TXNDC16: variants seen among roughly 807,000 people sequenced by gnomAD.
The protein encoded by TXNDC16 is thioredoxin domain containing 16, also known as thioredoxin domain-containing protein 16.
Under a neutral mutation model 85.6 loss-of-function variants are expected in TXNDC16, and 74 were observed. The observed-to-expected ratio is 0.86, with a 90% CI of 0.72 to 1.05. The LOEUF (loss-of-function observed/expected upper bound fraction) is 1.05, where lower values mean the gene tolerates loss of function less well. TXNDC16 is among the 50% of genes least tolerant of loss of function. TXNDC16 has a pLI of 0.00. For synonymous variants in TXNDC16, 335 were observed against 326.5 expected (o/e 1.03, Z -0.28); for missense variants, 959 against 947.0 (o/e 1.01, Z -0.17).
chr14:52,529,765 T>A (rs2037445073), intron 6 of TXNDC16, among the ~76,000 whole-genome samples: 1 of 118,174 alleles, frequency 8.5e-6, no homozygotes, highest in Non-Finnish European at 1.6e-5. Context: ...ATAATACCTA[T>A]TATATATATA....
At chr14:52,509,704 C>T (rs1387656518) in intron 9 of TXNDC16, among the ~76,000 whole-genome samples, 2 of 151,544 alleles carry the variant, frequency 1.3e-5, no homozygotes, top group African/African-American at 2.4e-5. Context: ...AATGGCTGGG[C>T]GTGGTGGCTC....
At chr14:52,517,210 TATA>T (rs957461435) in intron 7 of TXNDC16, among the ~76,000 whole-genome samples, 34 of 152,098 alleles carry the variant, frequency 2.2e-4, no homozygotes, top group African/African-American at 7.2e-4. Flanking sequence ...GGTCAATCTT[TATA>T]ATAATTTCCC....
chr14:52,485,295 AAAAAG>A (rs1156610289), intron 12 of TXNDC16, among the ~76,000 whole-genome samples: 2 of 152,240 alleles, frequency 1.3e-5, no homozygotes, highest in Non-Finnish European at 2.9e-5. Context: ...AAGGATATAA[AAAAAG>A]AAAATATTTT....
rs1267791727 is a variant in TXNDC16, at chr14:52,479,085, C to T, written c.1312+3145G>A. Among the ~76,000 whole-genome samples, 3 of 152,074 alleles carry T rather than the reference C, an allele frequency of 2.0e-5. No homozygotes were observed. The East Asian group carries it at 5.8e-4, about 29-fold the overall frequency. On this transcript the variant is annotated intron_variant, in intron 14 of 20. Coordinates refer to ENST00000281741, the MANE Select transcript of TXNDC16 (RefSeq NM_020784.3). The stretch of plus-strand genomic sequence containing the variant: ...AATCACATGATCATCTCAATAGATG[C>T]AGAAAAAGCATTCGATAAAATCCAG...
intron 18 of TXNDC16, among the ~76,000 whole-genome samples, chr14:52,443,834 T>C (rs2035219588): frequency 6.6e-6 from 1 of 152,210 alleles, no homozygotes; most frequent in Non-Finnish European, 1.5e-5. Flanking sequence ...TACTCTTTCC[T>C]ATGTCTAGTC....
chr14:52,469,963 G>T, intron 16 of TXNDC16, 74 bp downstream of exon 16: 1 of 1,347,660 alleles, frequency 7.4e-7, no homozygotes, highest in Non-Finnish European at 9.9e-7. Context: ...AATTTAAAAA[G>T]ATATTCTTAA....
chr14:52,474,166 AT>A (rs1334679147), intron 14 of TXNDC16, among the ~76,000 whole-genome samples: 1 of 152,196 alleles, frequency 6.6e-6, no homozygotes, highest in East Asian at 1.9e-4. Flanking sequence ...TAGTCTCTTC[AT>A]TTGGTCATTA....
chr14:52,444,929 A>G (rs988308955), intron 18 of TXNDC16, among the ~76,000 whole-genome samples: 1 of 152,194 alleles, frequency 6.6e-6, no homozygotes, highest in African/African-American at 2.4e-5. Flanking sequence ...ACAACCATCA[A>G]GAGGAAATGG....
At chr14:52,475,891 A>G (rs912302270) in intron 14 of TXNDC16, among the ~76,000 whole-genome samples, 6 of 152,166 alleles carry the variant, frequency 3.9e-5, no homozygotes, top group African/African-American at 1.4e-4. Context: ...TAGTGCATTA[A>G]TCAACCAAAG....
intron 14 of TXNDC16, among the ~76,000 whole-genome samples, chr14:52,473,534 A>C (rs928210310): frequency 6.6e-6 from 1 of 152,204 alleles, no homozygotes; most frequent in Non-Finnish European, 1.5e-5. Flanking sequence ...CAGAAAAGTA[A>C]TACTGATATA....
chr14:52,469,914 T>C, intron 16 of TXNDC16, 123 bp downstream of exon 16: 2 of 974,076 alleles, frequency 2.1e-6, no homozygotes, highest in Non-Finnish European at 1.4e-6. Context: ...CGATATTTTA[T>C]TTTTCTTCAA....
intron 9 of TXNDC16, among the ~76,000 whole-genome samples, chr14:52,493,215 A>ATATATAT (rs761008122): frequency 1.2e-4 from 15 of 121,020 alleles, no homozygotes; most frequent in African/African-American, 4.2e-4. Flanking sequence ...ATATATATAT[A>ATATATAT]TACACACACA....
intron 18 of TXNDC16, among the ~76,000 whole-genome samples, chr14:52,454,262 CA>C (rs1314951189): frequency 2.0e-5 from 3 of 150,702 alleles, no homozygotes; most frequent in Admixed American, 6.6e-5. Context: ...CCTGTCTCTA[CA>C]AAAAAATACC....
At chr14:52,533,797 G>A (rs942929818) in intron 6 of TXNDC16, among the ~76,000 whole-genome samples, 32 of 152,154 alleles carry the variant, frequency 2.1e-4, no homozygotes, top group Non-Finnish European at 4.1e-4. Context: ...CCATGGACTT[G>A]AGGGAACAAA....
rs569543850 is a variant in TXNDC16, at chr14:52,492,971, A to G, written c.757-1966T>C. On this transcript the variant is annotated intron_variant, in intron 9 of 20. Coordinates refer to ENST00000281741, the MANE Select transcript of TXNDC16 (RefSeq NM_020784.3). Reference sequence around the variant, plus strand: ...TTCTCATCATTCCATTGTGATAGTAAGAAACTAAGAAGATTAATGAAAAGG... The same window carrying G: ...TTCTCATCATTCCATTGTGATAGTAGGAAACTAAGAAGATTAATGAAAAGG... Among the ~76,000 whole-genome samples the G allele has an allele frequency of 1.6e-4, 24 of 152,160 alleles. 1 individual carries two copies. The South Asian group carries it at 5.0e-3, about 32-fold the overall frequency.
intron 6 of TXNDC16, among the ~76,000 whole-genome samples, chr14:52,528,463 G>A (rs914692929): frequency 6.6e-6 from 1 of 151,992 alleles, no homozygotes; most frequent in African/African-American, 2.4e-5. Flanking sequence ...ATTTTAATAT[G>A]TATGTCATTG....
At chr14:52,520,019 A>G (rs1030400264) in intron 6 of TXNDC16, among the ~76,000 whole-genome samples, 1 of 152,184 alleles carries the variant, frequency 6.6e-6, no homozygotes, top group Non-Finnish European at 1.5e-5. Context: ...TTTTATCACT[A>G]TATCTGTAAA....
At chr14:52,481,397 A>G (rs1180527204) in intron 14 of TXNDC16, among the ~76,000 whole-genome samples, 1 of 152,182 alleles carries the variant, frequency 6.6e-6, no homozygotes, top group Non-Finnish European at 1.5e-5. Context: ...TTGAGTGTCT[A>G]GAATCAATTT....
intron 1 of TXNDC16, among the ~76,000 whole-genome samples, chr14:52,546,567 T>C (rs1001050068): frequency 1.3e-5 from 2 of 152,204 alleles, no homozygotes; most frequent in African/African-American, 4.8e-5. Flanking sequence ...TTAGTGTTAA[T>C]AAAGCCAGGC....
Sources: allele counts gnomAD v4.1 joint callset (sites outside exome capture counted in the v4.1 genomes callset), GRCh38; gene constraint gnomAD v4.1.1; transcripts MANE v1.5; gene names NCBI Gene and HGNC (gene_info 2026-07-23, HGNC 2026-07-21).